PAX7: variants seen among roughly 807,000 people sequenced by gnomAD.
PAX7 encodes paired box 7.
Under a neutral mutation model 50.7 loss-of-function variants are expected in PAX7, and 18 were observed. That is an observed-to-expected ratio of 0.36 (90% CI 0.25 to 0.53). PAX7 has a LOEUF of 0.53. Among genes scored for constraint, PAX7 ranks in the 20% least tolerant of loss-of-function variants. PAX7 has a pLI of 0.93. For missense variants in PAX7, 644 were observed against 702.9 expected (o/e 0.92, Z 0.95); for synonymous variants, 310 against 290.4 (o/e 1.07, Z -0.69).
intron 4 of PAX7, among the ~76,000 whole-genome samples, chr1:18,664,655 C>T (rs2088642729): frequency 6.6e-6 from 1 of 152,044 alleles, no homozygotes; most frequent in Admixed American, 6.6e-5. Context: ...GCTCAGAGTC[C>T]CACAGTAAGT....
chr1:18,656,869 G>C (rs539013861), intron 4 of PAX7, among the ~76,000 whole-genome samples: 2 of 152,126 alleles, frequency 1.3e-5, no homozygotes, highest in African/African-American at 4.8e-5. Context: ...GGGCACGCCT[G>C]TGGTCACAGC....
At chr1:18,657,306 G>A (rs1005003375) in intron 4 of PAX7, among the ~76,000 whole-genome samples, 8 of 151,952 alleles carry the variant, frequency 5.3e-5, no homozygotes, top group African/African-American at 1.9e-4. Flanking sequence ...CAGCCTAAGG[G>A]TGGAGGTCCC....
chr1:18,705,529 C>T (rs768850219), intron 7 of PAX7, among the ~76,000 whole-genome samples: 23 of 152,276 alleles, frequency 1.5e-4, no homozygotes, highest in African/African-American at 3.9e-4. Flanking sequence ...ACTCCATGAC[C>T]ACTGCTTTTC....
chr1:18,735,953 G>C lies in PAX7; in HGVS notation c.1402+75G>C. 1 of 1,613,908 alleles carries C rather than the reference G, an allele frequency of 6.2e-7. No individual in the cohort carries two copies. The highest frequency in any genetic ancestry group is 8.5e-7 in the Non-Finnish European group (1 of 1,180,022). On this transcript the variant is annotated intron_variant, in intron 8 of 8. Transcript: ENST00000420770. This position sits in a 1 kb window ranked among gnomAD's most constrained non-coding sequence, Gnocchi z 4.0. ...CCCCAGGGCCTCCTGCTTGTTTATG[G>C]AGAGCTACAAGGTGGTGTCAGGGTG...
intron 7 of PAX7, among the ~76,000 whole-genome samples, chr1:18,709,968 CTTTATTT>C (rs1438968568): frequency 3.9e-5 from 6 of 152,198 alleles, no homozygotes; most frequent in Admixed American, 3.9e-4. Flanking sequence ...AAGGCTTTAC[CTTTATTT>C]ATTTGTGAAT....
At chr1:18,704,599 G>T (rs2089261052) in intron 7 of PAX7, among the ~76,000 whole-genome samples, 1 of 152,024 alleles carries the variant, frequency 6.6e-6, no homozygotes, top group African/African-American at 2.4e-5. Context: ...CAGCCTGGGT[G>T]ACAGAGTGAG....
rs775928701 is a variant in PAX7 at position 18,735,498 on chromosome 1, C to T, written c.1156-134C>T. Reference sequence around the variant, plus strand: ...CACGCAAATCAGGTAAACTGAGGACCTCGAAGCTACAGAGACTTCAAGGGA... The same window carrying T: ...CACGCAAATCAGGTAAACTGAGGACTTCGAAGCTACAGAGACTTCAAGGGA... On this transcript the variant is annotated intron_variant, in intron 7 of 8. Coordinates refer to ENST00000420770, the MANE Select transcript of PAX7 (RefSeq NM_001135254.2). This position sits in a 1 kb window ranked among gnomAD's most constrained non-coding sequence, Gnocchi z 4.0. The T allele has an allele frequency of 6.2e-5, 90 of 1,462,802 alleles. No homozygotes were observed. In the East Asian group the frequency reaches 1.1e-3, roughly 18 times the overall value. 90.6% of individuals were successfully genotyped at this position (1,462,802 alleles called of 1,614,324 possible).
intron 7 of PAX7, among the ~76,000 whole-genome samples, chr1:18,706,627 C>T (rs1185625771): frequency 8.1e-6 from 1 of 122,842 alleles, no homozygotes; most frequent in Non-Finnish European, 1.8e-5. Flanking sequence ...GGATTACAGG[C>T]CCCTGCCGCC....
chr1:18,696,647 A>G (rs985796647), intron 5 of PAX7, among the ~76,000 whole-genome samples: 3 of 152,230 alleles, frequency 2.0e-5, no homozygotes, highest in Non-Finnish European at 4.4e-5. Flanking sequence ...AGCCAGGCAC[A>G]GAAAGACAAA....
intron 4 of PAX7, among the ~76,000 whole-genome samples, chr1:18,672,423 T>A (rs143212931): frequency 3.7e-4 from 56 of 152,212 alleles, no homozygotes; most frequent in Non-Finnish European, 6.3e-4. Context: ...GTCCTCAGGA[T>A]TGTAAGGGTG....
rs202222781 is a variant in PAX7, at chr1:18,636,320, G to A, written c.535G>A (p.Asp179Asn). 5.6e-6 allele frequency: 9 copies of A among 1,614,254 alleles called. No homozygotes were observed. Among genetic ancestry groups the A allele is most frequent in the Non-Finnish European group, 7.6e-6 (9 of 1,180,030 alleles). Residue 179 changes from aspartate to asparagine, a missense_variant, in exon 4 of 9, where the codon GAC (aspartate) becomes AAC (asparagine). Transcript: ENST00000420770. The surrounding 1 kb of genome is among the most constrained non-coding windows in gnomAD (Gnocchi z 5.1). The stretch of plus-strand genomic sequence containing the variant: ...GGATGAAGCGGACAAGAAGGAGGAC[G>A]ACGGCGAAAAGAAGGCCAAACACAG... ...EEDEADKKED[D>N]GEKKAKHSID...
intron 4 of PAX7, among the ~76,000 whole-genome samples, chr1:18,678,681 A>G (rs2088856925): frequency 6.6e-6 from 1 of 152,220 alleles, no homozygotes; most frequent in African/African-American, 2.4e-5. Flanking sequence ...CAGGGATTCA[A>G]GCAGAGTTCT....
intron 4 of PAX7, among the ~76,000 whole-genome samples, chr1:18,685,124 C>T (rs765850433): frequency 4.6e-5 from 7 of 152,162 alleles, no homozygotes; most frequent in African/African-American, 1.7e-4. Context: ...TGGCCTTCTC[C>T]GGGCTGGGAG....
At position 18,701,693 on chromosome 1, in the gene PAX7, C is replaced by G. The variant is rs141028443; in HGVS notation, c.952+875C>G. 4.8e-3 allele frequency among the ~76,000 whole-genome samples: 729 copies of G among 152,304 alleles called. 8 individuals are homozygous for G. The highest frequency in any genetic ancestry group is 0.016 in the African/African-American group (678 of 41,560). ...AAAGCTCCCTATGAGGGATTCCCCCCACTCTGGGGTGAACAGCCCTAGGCC... is the reference window on the plus strand; with the variant it reads ...AAAGCTCCCTATGAGGGATTCCCCCGACTCTGGGGTGAACAGCCCTAGGCC... On this transcript the variant is annotated intron_variant, in intron 6 of 8. Coordinates refer to ENST00000420770, the MANE Select transcript of PAX7 (RefSeq NM_001135254.2).
intron 7 of PAX7, among the ~76,000 whole-genome samples, chr1:18,705,871 C>T (rs544788068): frequency 2.6e-5 from 4 of 152,242 alleles, no homozygotes; most frequent in South Asian, 2.1e-4. Flanking sequence ...CATGATGAAT[C>T]GGAGAAGCTC....
intron 7 of PAX7, among the ~76,000 whole-genome samples, chr1:18,715,225 C>T (rs746845402): frequency 5.3e-5 from 8 of 152,214 alleles, no homozygotes; most frequent in Non-Finnish European, 1.2e-4. Flanking sequence ...TAAGACTTGG[C>T]TCCCTTCCAT....
At chr1:18,663,835 C>T (rs1469080883) in intron 4 of PAX7, among the ~76,000 whole-genome samples, 1 of 152,228 alleles carries the variant, frequency 6.6e-6, no homozygotes. Context: ...TTGACATCTT[C>T]CCACAGGTCA....
At chr1:18,713,189 G>A (rs1425622267) in intron 7 of PAX7, among the ~76,000 whole-genome samples, 1 of 152,134 alleles carries the variant, frequency 6.6e-6, no homozygotes, top group Non-Finnish European at 1.5e-5. Flanking sequence ...GCTGACCTCT[G>A]CCCCTTTACA....
intron 4 of PAX7, among the ~76,000 whole-genome samples, chr1:18,647,278 G>C (rs1372572655): frequency 6.6e-6 from 1 of 152,138 alleles, no homozygotes; most frequent in Non-Finnish European, 1.5e-5. Context: ...GGTGGTGGAG[G>C]AAAGGAGAAA....
Sources: gnomAD v4.1 joint callset for allele counts (sites outside exome capture counted in the v4.1 genomes callset) on GRCh38, gnomAD v4.1.1 for gene constraint, Gnocchi (gnomAD v3.1) non-coding constraint, MANE v1.5 for transcripts, NCBI Gene and HGNC (gene_info 2026-07-23, HGNC 2026-07-21) for gene names.